The following SEMA3D variants were observed in gnomAD, a reference collection of about 807,000 sequenced individuals.
The protein encoded by SEMA3D is semaphorin 3D.
Under a neutral mutation model 100.1 loss-of-function variants are expected in SEMA3D, and 84 were observed. The ratio of observed to expected loss-of-function variants is 0.84; its 90% CI spans 0.70 to 1.01. SEMA3D has a LOEUF of 1.01. Ranked by LOEUF, SEMA3D falls within the 50% of genes least tolerant of loss-of-function variation. SEMA3D has a pLI of 0.00. For missense variants in SEMA3D, 875 were observed against 934.1 expected, an observed-to-expected ratio of 0.94 and a Z score of 0.82; for synonymous variants, 312 against 320.7, an observed-to-expected ratio of 0.97 and a Z score of 0.29.
intron 9 of SEMA3D, among the ~76,000 whole-genome samples, chr7:85,055,097 A>G (rs1036597396): frequency 6.6e-6 from 1 of 152,094 alleles, no homozygotes; most frequent in African/African-American, 2.4e-5. Flanking sequence ...ATTTTCTCTC[A>G]GAACCTAAAC....
intron 4 of SEMA3D, among the ~76,000 whole-genome samples, chr7:85,094,521 T>C (rs1788493245): frequency 6.6e-6 from 1 of 151,998 alleles, no homozygotes; most frequent in Non-Finnish European, 1.5e-5. Flanking sequence ...CTAATACTGC[T>C]TCCTAGCTTT....
chr7:85,221,498 G>A, the SEMA3D span, among the ~76,000 whole-genome samples: 4 of 151,976 alleles, frequency 2.6e-5, no homozygotes, highest in African/African-American at 7.2e-5. Flanking sequence ...CTGTGTTATC[G>A]TATCTGAGAT....
At chr7:85,101,923 T>G (rs1271859686) in intron 3 of SEMA3D, among the ~76,000 whole-genome samples, 1 of 152,028 alleles carries the variant, frequency 6.6e-6, no homozygotes, top group Non-Finnish European at 1.5e-5. Flanking sequence ...AGAACATCTC[T>G]GCATTTTTTA....
intron 2 of SEMA3D, among the ~76,000 whole-genome samples, chr7:85,145,095 T>G (rs183432094): frequency 1.3e-5 from 2 of 152,266 alleles, no homozygotes; most frequent in Admixed American, 6.5e-5. Flanking sequence ...CACAAAAATC[T>G]AATTCCAAAT....
upstream of SEMA3D, among the ~76,000 whole-genome samples, chr7:85,191,821 A>C (rs1791699164): frequency 6.6e-6 from 1 of 152,134 alleles, no homozygotes; most frequent in South Asian, 2.1e-4. Context: ...ATAACCCATA[A>C]ATTTATATAG....
intron 8 of SEMA3D, among the ~76,000 whole-genome samples, chr7:85,064,255 T>A (rs1583886603): frequency 7.8e-6 from 1 of 128,474 alleles, no homozygotes; most frequent in African/African-American, 5.2e-5. Context: ...GTATCTAAGC[T>A]ATTCTATAGG....
At chr7:85,153,176 A>T (rs775184936) in intron 2 of SEMA3D, among the ~76,000 whole-genome samples, 77 of 152,156 alleles carry the variant, frequency 5.1e-4, no homozygotes, top group Admixed American at 3.9e-4. Context: ...GCATCCTGAG[A>T]ATACTGTATC....
At chr7:85,234,083 T>C in the SEMA3D span, among the ~76,000 whole-genome samples, 2 of 152,208 alleles carry the variant, frequency 1.3e-5, no homozygotes, top group African/African-American at 4.8e-5. Flanking sequence ...TTTTTGGTGG[T>C]AAAGAGGAAT....
chr7:85,038,037 G>A (rs987869153), intron 11 of SEMA3D, among the ~76,000 whole-genome samples: 1 of 140,874 alleles, frequency 7.1e-6, no homozygotes, highest in East Asian at 2.3e-4. Flanking sequence ...CACACACCGG[G>A]GCCTGTTGTG....
intron 18 of SEMA3D, among the ~76,000 whole-genome samples, chr7:85,003,632 T>C (rs1584516764): frequency 6.6e-6 from 1 of 152,014 alleles, no homozygotes; most frequent in African/African-American, 2.4e-5. Flanking sequence ...ATTAAATTAT[T>C]AATATCTGTA....
At chr7:85,157,528 A>G (rs1282740400) in intron 1 of SEMA3D, 2 of 259,758 alleles carry the variant, frequency 7.7e-6, no homozygotes, top group African/African-American at 4.6e-5. Flanking sequence ...TGTGCTCCCT[A>G]TAATACTCTG....
At chr7:85,100,889 T>C (rs976351440) in intron 3 of SEMA3D, among the ~76,000 whole-genome samples, 6 of 152,082 alleles carry the variant, frequency 3.9e-5, no homozygotes, top group Non-Finnish European at 5.9e-5. Context: ...GTGACTTTAC[T>C]GAACATAAAT....
intron 1 of SEMA3D, among the ~76,000 whole-genome samples, chr7:85,168,724 T>A (rs908801064): frequency 6.7e-6 from 1 of 149,840 alleles, no homozygotes. Context: ...CACTTAGCAC[T>A]TATCTTAAAT....
At chr7:85,038,610 C>G (rs756198558) in intron 11 of SEMA3D, among the ~76,000 whole-genome samples, 51 of 152,148 alleles carry the variant, frequency 3.4e-4, no homozygotes, top group Non-Finnish European at 6.9e-4. Flanking sequence ...AAAAAACGAA[C>G]TATCTTGGGG....
chr7:85,196,742 A>G, the SEMA3D span, among the ~76,000 whole-genome samples: 4 of 152,188 alleles, frequency 2.6e-5, no homozygotes, highest in African/African-American at 7.2e-5. Flanking sequence ...CAAAAGTCCA[A>G]TAACTTTTGT....
the SEMA3D span, among the ~76,000 whole-genome samples, chr7:85,198,424 C>G: frequency 6.6e-6 from 1 of 151,810 alleles, no homozygotes; most frequent in South Asian, 2.1e-4. Flanking sequence ...TATCATGGAT[C>G]CTTTGGGATT....
the SEMA3D span, among the ~76,000 whole-genome samples, chr7:85,216,294 A>T: frequency 6.6e-6 from 1 of 151,968 alleles, no homozygotes; most frequent in Non-Finnish European, 1.5e-5. Flanking sequence ...TGTTCTTTCA[A>T]GTAAAAATAA....
chr7:85,226,759 A>G, the SEMA3D span, among the ~76,000 whole-genome samples: 1 of 152,112 alleles, frequency 6.6e-6, no homozygotes, highest in Admixed American at 6.6e-5. Flanking sequence ...AATAATTAGT[A>G]TTGTTTAAAG....
At chr7:85,086,426 G>A (rs1476461317) in intron 4 of SEMA3D, among the ~76,000 whole-genome samples, 1 of 151,544 alleles carries the variant, frequency 6.6e-6, no homozygotes, top group African/African-American at 2.4e-5. Flanking sequence ...CGAAAAACAA[G>A]ACAAAATCAT....
Sources: allele counts gnomAD v4.1 joint callset (sites outside exome capture counted in the v4.1 genomes callset), GRCh38; gene constraint gnomAD v4.1.1; transcripts MANE v1.5; gene names NCBI Gene and HGNC (gene_info 2026-07-23, HGNC 2026-07-21).